The following POFUT1 variants were observed in gnomAD, a reference collection of about 807,000 sequenced individuals.
The protein encoded by POFUT1 is GDP-fucose protein O-fucosyltransferase 1.
Under a neutral mutation model 42.4 loss-of-function variants are expected in POFUT1, and 16 were observed. The observed-to-expected ratio is 0.38, with a 90% CI of 0.26 to 0.57. The LOEUF is 0.57. Ranked by LOEUF, POFUT1 falls within the 20% of genes least tolerant of loss-of-function variation. POFUT1 has a pLI of 0.71. For missense variants in POFUT1, 470 were observed against 504.6 expected (o/e 0.93, Z 0.66); for synonymous variants, 206 against 205.4 (o/e 1.00, Z -0.03).
At chr20:32,212,503 C>T (rs1433164594) in intron 2 of POFUT1, among the ~76,000 whole-genome samples, 3 of 152,084 alleles carry the variant, frequency 2.0e-5, no homozygotes, top group African/African-American at 7.2e-5. Flanking sequence ...TGAGTCTAAG[C>T]AGTCCTCCTG....
intron 1 of POFUT1, 40 bp from the exon 2 acceptor site, chr20:32,210,031 T>C (rs1355989574): frequency 1.2e-6 from 2 of 1,613,590 alleles, no homozygotes; most frequent in Admixed American, 3.3e-5. Flanking sequence ...ATGCCCTCCA[T>C]GCCCCAGGCC....
chr20:32,219,402 C>T (rs2047379091), intron 4 of POFUT1, among the ~76,000 whole-genome samples: 1 of 151,810 alleles, frequency 6.6e-6, no homozygotes, highest in Admixed American at 6.6e-5. Context: ...GGTGAAGGAG[C>T]AGAAAGAAGG....
chr20:32,234,361 G>A, intron 6 of POFUT1, 112 bp from the exon 7 acceptor site: 2 of 993,852 alleles, frequency 2.0e-6, no homozygotes, highest in Admixed American at 2.7e-5. Context: ...CCTCTTCTCT[G>A]CCCCTCCTTT....
Position 32,207,896 on chromosome 20 carries a change from C to T in POFUT1, c.-46C>T, listed in dbSNP as rs757430659. ...GGGGCGGGCGCTCGCGTCCCTCCTT[C>T]CCTCCCCGACTGTGCGCCGCGGCTG... On this transcript the variant is annotated 5_prime_UTR_variant, in exon 1 of 7. Coordinates refer to ENST00000375749, the MANE Select transcript of POFUT1 (RefSeq NM_015352.2). 165 of 1,497,482 alleles carry T rather than the reference C, an allele frequency of 1.1e-4. No homozygotes were observed. The highest frequency in any genetic ancestry group is 1.4e-4 in the Non-Finnish European group (156 of 1,132,698). 92.8% of individuals were successfully genotyped at this position (1,497,482 alleles called of 1,614,324 possible). A position where few individuals can be genotyped will look rare whatever the true frequency, so the allele number is the denominator to read the frequency against.
In POFUT1 at chr20:32,234,550, C is replaced by G. The variant is rs766117918; in HGVS notation, c.1056C>G (p.Gly352=). The change falls in exon 7 of 7, where the codon GGC becomes GGG. Residue 352 remains glycine, a synonymous_variant. Transcript: ENST00000375749. Reference sequence around the variant, plus strand: ...TCGGCCAAGCCGACCACTTTATTGGCAACTGTGTCTCCTCCTTCACTGCCT... The same window carrying G: ...TCGGCCAAGCCGACCACTTTATTGGGAACTGTGTCTCCTCCTTCACTGCCT... The part of the protein sequence containing the change: ...YILGQADHFI[G]NCVSSFTAFV... The G allele has an allele frequency of 8.1e-6, 13 of 1,614,096 alleles. No individual in the cohort carries two copies. In the East Asian group the frequency reaches 1.8e-4, roughly 22 times the overall value.
chr20:32,220,299 C>T (rs1244038864), intron 4 of POFUT1, among the ~76,000 whole-genome samples: 1 of 152,146 alleles, frequency 6.6e-6, no homozygotes, highest in East Asian at 1.9e-4. Flanking sequence ...TCAAGTTATC[C>T]TTTTTTGGTA....
chr20:32,233,888 A>G (rs1884866), intron 6 of POFUT1, among the ~76,000 whole-genome samples: 34,107 of 152,120 alleles, frequency 0.22, 4,559 homozygotes, highest in African/African-American at 0.36. Flanking sequence ...GCTTAGCCTT[A>G]AGAGTCTGGT....
intron 3 of POFUT1, among the ~76,000 whole-genome samples, chr20:32,216,272 A>G (rs2047359738): frequency 6.6e-6 from 1 of 152,146 alleles, no homozygotes; most frequent in African/African-American, 2.4e-5. Flanking sequence ...AAATGAAGGC[A>G]TTGGATTAGC....
intron 4 of POFUT1, among the ~76,000 whole-genome samples, chr20:32,226,527 A>G (rs552068483): frequency 1.3e-5 from 2 of 152,046 alleles, no homozygotes; most frequent in South Asian, 2.1e-4. Flanking sequence ...CCACTACTAT[A>G]GTTAATACAC....
chr20:32,228,108 G>A (rs1032984128), intron 4 of POFUT1, among the ~76,000 whole-genome samples, 155 bp from the exon 5 acceptor site: 6 of 152,186 alleles, frequency 3.9e-5, no homozygotes, highest in African/African-American at 1.2e-4. Flanking sequence ...TTATCAGCCC[G>A]TTGGTATTTC....
At chr20:32,227,740 C>G (rs1271886237) in intron 4 of POFUT1, among the ~76,000 whole-genome samples, 1 of 152,184 alleles carries the variant, frequency 6.6e-6, no homozygotes, top group Non-Finnish European at 1.5e-5. Flanking sequence ...GGGACTATGC[C>G]TGTCTTGTTT....
At chr20:32,212,090 A>G (rs1271803861) in intron 2 of POFUT1, among the ~76,000 whole-genome samples, 1 of 152,206 alleles carries the variant, frequency 6.6e-6, no homozygotes, top group Non-Finnish European at 1.5e-5. Context: ...AAATCTATGT[A>G]AAGTGATGAG....
At chr20:32,217,135 T>A in intron 4 of POFUT1, 1 of 1,583,326 alleles carries the variant, frequency 6.3e-7, no homozygotes. Flanking sequence ...TGTTTATTAA[T>A]TGCACCCCAT....
rs373769737 is a variant in POFUT1, at chr20:32,230,852, G to T, written c.769G>T (p.Ala257Ser). Reference sequence around the variant, plus strand: ...CTGTGCCATGCTGAAGGACGGGACTGCAGGCTCGCACTTCATGGCCTCTCC... The same window carrying T: ...CTGTGCCATGCTGAAGGACGGGACTTCAGGCTCGCACTTCATGGCCTCTCC... ...NACAMLKDGT[A>S]GSHFMASPQC... Residue 257 changes from alanine (A) to serine (S), a missense_variant, in exon 6 of 7, where the codon GCA becomes TCA. Coordinates refer to ENST00000375749, the MANE Select transcript of POFUT1 (RefSeq NM_015352.2). 2 of 1,614,046 alleles carry T rather than the reference G, an allele frequency of 1.2e-6. No homozygotes were observed. The highest frequency in any genetic ancestry group is 1.7e-6 in the Non-Finnish European group (2 of 1,180,040).
chr20:32,208,751 C>G (rs1460465886), intron 1 of POFUT1, among the ~76,000 whole-genome samples: 1 of 151,342 alleles, frequency 6.6e-6, no homozygotes, highest in Non-Finnish European at 1.5e-5. Flanking sequence ...GGGAGGATCT[C>G]TTGAGCCGAG....
Position 32,210,133 on chromosome 20 carries a change from C to CGTACCTTGGCT in POFUT1, c.190_200dup (p.Pro69TrpfsTer78). 11 of 1,614,104 alleles carry CGTACCTTGGCT rather than the reference C, an allele frequency of 6.8e-6. No individual in the cohort carries two copies. The highest frequency in any genetic ancestry group is 9.3e-6 in the Non-Finnish European group (11 of 1,179,962). ...TCTGGCATTTGCAAAGCTGCTAAAC[C>CGTACCTTGGCT]GTACCTTGGCTGTCCCTCCTTGGAT... On this transcript the variant is annotated frameshift_variant, in exon 2 of 7. Coordinates refer to ENST00000375749, the MANE Select transcript of POFUT1 (RefSeq NM_015352.2). LOFTEE classifies it high-confidence loss of function.
intron 4 of POFUT1, among the ~76,000 whole-genome samples, chr20:32,225,551 C>T (rs1427469782): frequency 6.6e-6 from 1 of 152,134 alleles, no homozygotes; most frequent in Non-Finnish European, 1.5e-5. Context: ...TGCAGTGGCA[C>T]GATCATGGCT....
Position 32,230,858 on chromosome 20 carries a change from T to C in POFUT1, c.775T>C (p.Ser259Pro). The C allele has an allele frequency of 9.3e-6, 15 of 1,614,116 alleles. No individual in the cohort carries two copies. The highest frequency in any genetic ancestry group is 1.3e-5 in the Non-Finnish European group (15 of 1,180,032). ...CATGCTGAAGGACGGGACTGCAGGC[T>C]CGCACTTCATGGCCTCTCCGCAGTG... is the stretch of plus-strand genomic sequence containing the variant. ...CAMLKDGTAG[S>P]HFMASPQCVG... Residue 259 changes from serine (S) to proline (P), a missense_variant, in exon 6 of 7, where the codon TCG (serine) becomes CCG (proline). Physicochemically the swap from Ser to Pro is moderately conservative, Grantham distance 74. Coordinates refer to ENST00000375749, the MANE Select transcript of POFUT1 (RefSeq NM_015352.2).
At chr20:32,229,879 G>A (rs1223638595) in intron 5 of POFUT1, among the ~76,000 whole-genome samples, 3 of 151,910 alleles carry the variant, frequency 2.0e-5, no homozygotes, top group African/African-American at 7.3e-5. Context: ...GGCTCAGGTG[G>A]TGGTCCTCCC....
Sources: allele counts gnomAD v4.1 joint callset (sites outside exome capture counted in the v4.1 genomes callset), GRCh38; gene constraint gnomAD v4.1.1; transcripts MANE v1.5; gene names NCBI Gene and HGNC (gene_info 2026-07-23, HGNC 2026-07-21).